The following ITCH variants were observed in gnomAD, a reference collection of about 807,000 sequenced individuals.
ITCH encodes E3 ubiquitin-protein ligase Itchy homolog.
In ITCH, 28 loss-of-function variants were observed where a neutral mutation model predicts 126.8. The ratio of observed to expected loss-of-function variants is 0.22; its 90% confidence interval spans 0.16 to 0.30. ITCH has a LOEUF of 0.30. ITCH is among the 10% of genes least tolerant of loss of function. ITCH has a pLI of 1.00. For synonymous variants in ITCH, 342 were observed against 340.0 expected (o/e 1.01, Z -0.06); for missense variants, 631 against 1,032.4 (o/e 0.61, Z 5.33).
At chr20:34,370,274 T>C (rs1472131581) in intron 2 of ITCH, among the ~76,000 whole-genome samples, 1 of 152,186 alleles carries the variant, frequency 6.6e-6, no homozygotes, top group African/African-American at 2.4e-5. Context: ...TAGGTAAGTA[T>C]TGATTCCTGT....
At chr20:34,490,346 A>G (rs1442520619) in intron 22 of ITCH, among the ~76,000 whole-genome samples, 2 of 152,224 alleles carry the variant, frequency 1.3e-5, no homozygotes, top group Admixed American at 6.5e-5. Flanking sequence ...ATGATGTTCA[A>G]CATCATTAGT....
intron 16 of ITCH, among the ~76,000 whole-genome samples, chr20:34,474,103 T>C (rs1987897891): frequency 1.3e-5 from 2 of 152,190 alleles, no homozygotes; most frequent in Admixed American, 1.3e-4. Flanking sequence ...TCTATCACAT[T>C]AACTATTTTT....
At position 34,462,078 on chromosome 20, in the gene ITCH, T is replaced by C. The variant is rs377660374; in HGVS notation, c.1296-15T>C. On this transcript the variant is annotated splice_polypyrimidine_tract_variant and intron_variant, in intron 13 of 24. Transcript: ENST00000374864. ...CTTTAATATTTTTGTTTATGTTTTT[T>C]CCTGTGTTTCGTAGTCAATTAAATG... The C allele has an allele frequency of 1.9e-5, 30 of 1,612,910 alleles. No homozygotes were observed. In the African/African-American group the frequency reaches 3.6e-4, roughly 19 times the overall value.
intron 16 of ITCH, chr20:34,476,308 G>A (rs1008677250): frequency 1.2e-5 from 12 of 1,015,428 alleles, no homozygotes; most frequent in East Asian, 2.4e-5. Context: ...CGCCCCTGCC[G>A]ACACGCTCAG....
intron 22 of ITCH, 66 bp from the exon 23 acceptor site, chr20:34,492,435 C>T: frequency 9.7e-7 from 1 of 1,027,188 alleles, no homozygotes; most frequent in African/African-American, 1.6e-5. Context: ...CATTATTTTT[C>T]TTTCTTGTTT....
chr20:34,393,975 T>C, intron 3 of ITCH, 94 bp downstream of exon 3: 4 of 1,180,248 alleles, frequency 3.4e-6, no homozygotes, highest in South Asian at 2.4e-5. Flanking sequence ...CCCATGCCTG[T>C]AATCCCAGCA....
At chr20:34,405,420 G>A (rs1047651748) in intron 3 of ITCH, among the ~76,000 whole-genome samples, 2 of 152,026 alleles carry the variant, frequency 1.3e-5, no homozygotes, top group African/African-American at 4.8e-5. Context: ...CAGGAGAATC[G>A]CTTGAACCCG....
intron 3 of ITCH, among the ~76,000 whole-genome samples, chr20:34,405,125 G>C (rs1601821549): frequency 9.3e-6 from 1 of 106,958 alleles, no homozygotes; most frequent in Admixed American, 1.4e-4. Context: ...CTGGGTGACA[G>C]AACCAGACCC....
chr20:34,465,837 T>C (rs1987003071), intron 14 of ITCH, among the ~76,000 whole-genome samples: 1 of 152,272 alleles, frequency 6.6e-6, no homozygotes, highest in Middle Eastern at 3.4e-3. Flanking sequence ...TCGTAAAAGA[T>C]CTTAGCTTCT....
intron 20 of ITCH, among the ~76,000 whole-genome samples, chr20:34,487,454 T>C (rs529953684): frequency 2.0e-5 from 3 of 152,322 alleles, no homozygotes; most frequent in East Asian, 1.9e-4. Context: ...GCTATTTGTT[T>C]CTTATTTTTC....
At chr20:34,373,988 G>A (rs937001236) in intron 2 of ITCH, among the ~76,000 whole-genome samples, 6 of 151,760 alleles carry the variant, frequency 4.0e-5, no homozygotes, top group African/African-American at 1.2e-4. Flanking sequence ...AGGTTAAAGC[G>A]ATTCCCCTGC....
chr20:34,407,259 A>G (rs940971297), intron 3 of ITCH, among the ~76,000 whole-genome samples: 5 of 152,174 alleles, frequency 3.3e-5, no homozygotes, highest in Admixed American at 3.3e-4. Context: ...AATAAAATCT[A>G]AATTATCATT....
chr20:34,479,837 T>C, intron 18 of ITCH, 48 bp downstream of exon 18: 1 of 1,539,592 alleles, frequency 6.5e-7, no homozygotes, highest in Non-Finnish European at 9.0e-7. Context: ...TCAGCAATAC[T>C]AAATTTTCTC....
intron 23 of ITCH, among the ~76,000 whole-genome samples, chr20:34,496,276 A>C (rs988343576): frequency 6.6e-6 from 1 of 152,086 alleles, no homozygotes; most frequent in South Asian, 2.1e-4. Flanking sequence ...ATATCTATTT[A>C]GCTCATATCC....
intron 14 of ITCH, chr20:34,466,240 C>T (rs1555880331): frequency 5.2e-6 from 2 of 386,372 alleles, no homozygotes; most frequent in Non-Finnish European, 5.2e-6. Context: ...ATAGGTTGAA[C>T]CTTTTTTGCA....
intron 2 of ITCH, among the ~76,000 whole-genome samples, chr20:34,375,043 ATTTT>A (rs761979154): frequency 1.1e-5 from 1 of 95,148 alleles, no homozygotes. Flanking sequence ...GCCTGGCGTG[ATTTT>A]TTTTTTTTTT....
chr20:34,443,214 T>G (rs1983990866), intron 10 of ITCH, among the ~76,000 whole-genome samples: 1 of 151,648 alleles, frequency 6.6e-6, no homozygotes, highest in Non-Finnish European at 1.5e-5. Context: ...CCTTTAACAT[T>G]AACATTAACA....
intron 2 of ITCH, among the ~76,000 whole-genome samples, chr20:34,383,787 C>G (rs1301599900): frequency 6.6e-6 from 1 of 151,314 alleles, no homozygotes; most frequent in African/African-American, 2.4e-5. Context: ...CCTTAGCCTC[C>G]CAAAGTACCA....
At chr20:34,444,795 C>T (rs1487339245) in intron 10 of ITCH, among the ~76,000 whole-genome samples, 2 of 152,118 alleles carry the variant, frequency 1.3e-5, no homozygotes, top group Admixed American at 6.5e-5. Flanking sequence ...TCTGCGCCAC[C>T]ACACCTGGCT....
Sources: allele counts gnomAD v4.1 joint callset (sites outside exome capture counted in the v4.1 genomes callset), GRCh38; gene constraint gnomAD v4.1.1; transcripts MANE v1.5; gene names NCBI Gene and HGNC (gene_info 2026-07-23, HGNC 2026-07-21).